AMOTL1: variants seen among roughly 807,000 people sequenced by gnomAD.
The protein encoded by AMOTL1 is angiomotin-like protein 1.
AMOTL1 carries 45 observed loss-of-function variants against 102.9 expected under a neutral mutation model. That is an observed-to-expected ratio of 0.44 (90% CI 0.34 to 0.56). AMOTL1 has a LOEUF of 0.56. AMOTL1 is among the 20% of genes least tolerant of loss of function. The probability of loss-of-function intolerance (pLI) is 0.01; values close to 1 mark genes in which losing one functional copy is unlikely to be tolerated. For missense variants in AMOTL1, 1,114 were observed against 1,225.6 expected (o/e 0.91, Z 1.36); for synonymous variants, 481 against 484.7 (o/e 0.99, Z 0.10).
At chr11:94,831,592 G>A in intron 6 of AMOTL1, 51 bp downstream of exon 6, 1 of 1,479,758 alleles carries the variant, frequency 6.8e-7, no homozygotes, top group Non-Finnish European at 9.4e-7. Flanking sequence ...TAAAAACGGG[G>A]TCCTGAAGGA....
At chr11:94,826,747 C>T (rs76343145) in intron 4 of AMOTL1, among the ~76,000 whole-genome samples, 4,587 of 152,282 alleles carry the variant, frequency 0.03, 76 homozygotes, top group Middle Eastern at 0.054. Flanking sequence ...TGTCACCACA[C>T]TGGGAATCAA....
At chr11:94,838,077 C>A (rs1952220105) in intron 6 of AMOTL1, among the ~76,000 whole-genome samples, 1 of 152,176 alleles carries the variant, frequency 6.6e-6, no homozygotes, top group African/African-American at 2.4e-5. Context: ...GTTAAATCTT[C>A]CTTTTATATA....
chr11:94,740,896 T>TG, intron 2 of AMOTL1: 1 of 1,285,516 alleles, frequency 7.8e-7, no homozygotes, highest in Non-Finnish European at 1.0e-6. Flanking sequence ...TCGTCCTGAA[T>TG]GGTAGCGATT....
intron 2 of AMOTL1, among the ~76,000 whole-genome samples, chr11:94,732,082 A>G (rs1591906484): frequency 6.6e-6 from 1 of 151,814 alleles, no homozygotes; most frequent in African/African-American, 2.4e-5. Flanking sequence ...CCATTTCCCT[A>G]CCTCACCTCT....
intron 1 of AMOTL1, among the ~76,000 whole-genome samples, chr11:94,712,098 C>A (rs909022298): frequency 3.3e-5 from 5 of 151,982 alleles, no homozygotes; most frequent in Non-Finnish European, 5.9e-5. Flanking sequence ...GCATCCTTAC[C>A]AGAATTTGGT....
chr11:94,726,920 G>C (rs1950269895), intron 1 of AMOTL1, among the ~76,000 whole-genome samples: 1 of 152,160 alleles, frequency 6.6e-6, no homozygotes, highest in Non-Finnish European at 1.5e-5. Context: ...CCAAGCTGAA[G>C]TGAAATTCAA....
intron 3 of AMOTL1, among the ~76,000 whole-genome samples, chr11:94,808,441 T>A (rs1951604673): frequency 1.3e-5 from 2 of 152,298 alleles, no homozygotes; most frequent in Non-Finnish European, 2.9e-5. Context: ...ACCCATTGAT[T>A]TTTTTTCTTT....
chr11:94,782,893 T>G (rs1392770434), intron 1 of AMOTL1, among the ~76,000 whole-genome samples: 3 of 152,240 alleles, frequency 2.0e-5, no homozygotes, highest in Non-Finnish European at 2.9e-5. Flanking sequence ...AAATTCTCAC[T>G]TCGTTTTAAA....
intron 1 of AMOTL1, among the ~76,000 whole-genome samples, chr11:94,785,484 T>G (rs957160484): frequency 6.6e-6 from 1 of 152,240 alleles, no homozygotes; most frequent in Non-Finnish European, 1.5e-5. Context: ...AAATGGTAGC[T>G]CCTGCTCTTA....
At chr11:94,771,017 T>G (rs1950940938) in intron 1 of AMOTL1, among the ~76,000 whole-genome samples, 1 of 152,178 alleles carries the variant, frequency 6.6e-6, no homozygotes, top group Admixed American at 6.5e-5. Flanking sequence ...GTATAGCCTC[T>G]AGGTATCAGT....
intron 3 of AMOTL1, among the ~76,000 whole-genome samples, chr11:94,819,631 A>G (rs939647497): frequency 6.6e-6 from 1 of 152,070 alleles, no homozygotes; most frequent in Non-Finnish European, 1.5e-5. Context: ...GACCAAACCA[A>G]TGTTCATCTT....
At chr11:94,743,432 A>G (rs1377777221) in intron 3 of AMOTL1, among the ~76,000 whole-genome samples, 2 of 152,102 alleles carry the variant, frequency 1.3e-5, no homozygotes, top group African/African-American at 4.8e-5. Flanking sequence ...TATTCAGGTC[A>G]AAGACGGAGC....
intron 3 of AMOTL1, among the ~76,000 whole-genome samples, chr11:94,811,000 A>G (rs147320662): frequency 6.6e-6 from 1 of 152,170 alleles, no homozygotes; most frequent in Non-Finnish European, 1.5e-5. Flanking sequence ...CAAAACTAAT[A>G]CAAATGTCAA....
At chr11:94,858,900 G>GA (rs1210763253) in intron 8 of AMOTL1, among the ~76,000 whole-genome samples, 36 of 152,188 alleles carry the variant, frequency 2.4e-4, no homozygotes, top group African/African-American at 8.7e-4. Context: ...TGAAAAGGCC[G>GA]AAAAATGAGC....
Position 94,799,430 on chromosome 11 carries a change from G to C in AMOTL1, c.240G>C (p.Leu80=), listed in dbSNP as rs1420168288. ...GTAACTTCCACTCCCCAAACTTCCT[G>C]AGGATCTCAGAGGTGGAAATGAGAG... is the stretch of plus-strand genomic sequence containing the variant. The part of the protein sequence containing the change: ...PLCNFHSPNF[L]RISEVEMRGS... Residue 80 remains leucine (L), a synonymous_variant, in exon 3 of 13, where the codon CTG becomes CTC. Transcript: ENST00000433060. The surrounding 1 kb of genome is among the most constrained non-coding windows in gnomAD (Gnocchi z 4.5). 4 of 1,594,808 alleles carry C rather than the reference G, an allele frequency of 2.5e-6. No homozygotes were observed. Among genetic ancestry groups the C allele is most frequent in the Non-Finnish European group, 3.4e-6 (4 of 1,169,996 alleles).
intron 8 of AMOTL1, among the ~76,000 whole-genome samples, chr11:94,855,904 T>A (rs1412865594): frequency 1.3e-5 from 2 of 152,036 alleles, no homozygotes; most frequent in Non-Finnish European, 2.9e-5. Flanking sequence ...GAATTGAGGC[T>A]CTCCCGGGAA....
At chr11:94,726,163 C>G (rs1055142716) in intron 1 of AMOTL1, among the ~76,000 whole-genome samples, 1 of 152,124 alleles carries the variant, frequency 6.6e-6, no homozygotes, top group Admixed American at 6.5e-5. Flanking sequence ...TAGATGGACC[C>G]ATAAAAGAAG....
chr11:94,758,595 A>G (rs1043462612), intron 3 of AMOTL1, among the ~76,000 whole-genome samples: 1 of 152,240 alleles, frequency 6.6e-6, no homozygotes, highest in Non-Finnish European at 1.5e-5. Context: ...CAGCACTGTC[A>G]TGAGCCTCAC....
At chr11:94,849,922 T>C (rs12275967) in intron 6 of AMOTL1, among the ~76,000 whole-genome samples, 192 bp from the exon 7 acceptor site, 21,753 of 152,138 alleles carry the variant, frequency 0.14, 3,472 homozygotes, top group African/African-American at 0.39. Context: ...ATGTATCCAC[T>C]GTTGACCGTG....
Sources: gnomAD v4.1 joint callset for allele counts (sites outside exome capture counted in the v4.1 genomes callset) on GRCh38, gnomAD v4.1.1 for gene constraint, Gnocchi (gnomAD v3.1) non-coding constraint, MANE v1.5 for transcripts, NCBI Gene and HGNC (gene_info 2026-07-23, HGNC 2026-07-21) for gene names.